The following SLC25A21 variants were observed in gnomAD, a reference collection of about 807,000 sequenced individuals.
The protein encoded by SLC25A21 is solute carrier family 25 member 21, also known as mitochondrial 2-oxodicarboxylate carrier.
A neutral mutation model predicts 43.8 loss-of-function variants in SLC25A21; 47 were observed. The observed-to-expected ratio is 1.07, with a 90% CI of 0.85 to 1.37. SLC25A21 has a LOEUF of 1.37. Among genes scored for constraint, SLC25A21 ranks in the 40% most tolerant of loss-of-function variants. SLC25A21 has a pLI of 0.00. For synonymous variants in SLC25A21, 131 were observed against 121.3 expected, an observed-to-expected ratio of 1.08 and a Z score of -0.52; for missense variants, 352 against 350.2, an observed-to-expected ratio of 1.00 and a Z score of -0.04.
chr14:36,900,720 A>G (rs1483227453), intron 1 of SLC25A21, among the ~76,000 whole-genome samples: 1 of 152,218 alleles, frequency 6.6e-6, no homozygotes, highest in East Asian at 1.9e-4. Flanking sequence ...TAACTTGTGG[A>G]TAAGGCCCTG....
At chr14:37,047,739 G>A (rs916296524) in intron 1 of SLC25A21, among the ~76,000 whole-genome samples, 3 of 152,194 alleles carry the variant, frequency 2.0e-5, no homozygotes, top group African/African-American at 7.2e-5. Context: ...GAAAACAAAA[G>A]TGTTTTATCT....
At chr14:36,996,219 GCTAA>G (rs1960368576) in intron 1 of SLC25A21, among the ~76,000 whole-genome samples, 1 of 152,084 alleles carries the variant, frequency 6.6e-6, no homozygotes, top group Non-Finnish European at 1.5e-5. Flanking sequence ...CTAATATTCA[GCTAA>G]CTTTCAACTC....
At chr14:37,118,027 C>T (rs564235435) in intron 1 of SLC25A21, among the ~76,000 whole-genome samples, 2 of 151,948 alleles carry the variant, frequency 1.3e-5, no homozygotes, top group South Asian at 2.1e-4. Context: ...GATAATAGCC[C>T]TCCCCAGAAA....
At chr14:36,849,231 T>C (rs1889643692) in intron 2 of SLC25A21, among the ~76,000 whole-genome samples, 1 of 152,210 alleles carries the variant, frequency 6.6e-6, no homozygotes, top group African/African-American at 2.4e-5. Context: ...TCTCCTCTGA[T>C]TTCTTCCTGT....
intron 1 of SLC25A21, among the ~76,000 whole-genome samples, chr14:37,108,211 G>A (rs367801744): frequency 2.6e-5 from 4 of 152,170 alleles, no homozygotes; most frequent in East Asian, 3.9e-4. Flanking sequence ...TAGCTGTAAA[G>A]GGAACTTCTA....
intron 1 of SLC25A21, among the ~76,000 whole-genome samples, chr14:37,086,874 T>G (rs1197880156): frequency 6.6e-6 from 1 of 152,190 alleles, no homozygotes; most frequent in Non-Finnish European, 1.5e-5. Context: ...AATAAAAGGA[T>G]ACAATCTCAT....
At chr14:36,720,786 C>T (rs1410455039) in intron 6 of SLC25A21, among the ~76,000 whole-genome samples, 4 of 152,208 alleles carry the variant, frequency 2.6e-5, no homozygotes, top group South Asian at 2.1e-4. Context: ...CTGCTAAGTG[C>T]TAGTTATTTA....
intron 1 of SLC25A21, among the ~76,000 whole-genome samples, chr14:36,903,612 C>T (rs553850796): frequency 0.061 from 448 of 7,302 alleles, 6 homozygotes; most frequent in Middle Eastern, 0.25. Context: ...GACTCCGTCT[C>T]AGAAAAAAAA....
At chr14:36,831,877 G>C (rs1484046088) in intron 2 of SLC25A21, among the ~76,000 whole-genome samples, 1 of 152,142 alleles carries the variant, frequency 6.6e-6, no homozygotes, top group East Asian at 1.9e-4. Flanking sequence ...TTAGGAACAT[G>C]GAAAAGACTC....
chr14:37,011,970 C>G (rs1264737163), intron 1 of SLC25A21, among the ~76,000 whole-genome samples: 1 of 152,136 alleles, frequency 6.6e-6, no homozygotes, highest in Non-Finnish European at 1.5e-5. Context: ...CACAGACAAA[C>G]TAAGTTTTTC....
intron 1 of SLC25A21, among the ~76,000 whole-genome samples, chr14:36,993,602 C>T (rs1960309482): frequency 6.6e-6 from 1 of 152,056 alleles, no homozygotes; most frequent in Non-Finnish European, 1.5e-5. Flanking sequence ...CTGATTAACT[C>T]CCATTTTGAT....
chr14:36,829,229 CCT>C (rs1888946781), intron 2 of SLC25A21, among the ~76,000 whole-genome samples: 2 of 152,040 alleles, frequency 1.3e-5, no homozygotes, highest in African/African-American at 2.4e-5. Flanking sequence ...TGTTCCTTCC[CCT>C]GAGAGGTGAT....
intron 1 of SLC25A21, among the ~76,000 whole-genome samples, chr14:36,989,867 A>T (rs1004915609): frequency 2.0e-5 from 3 of 151,514 alleles, no homozygotes; most frequent in Admixed American, 6.6e-5. Flanking sequence ...TTAGGATATG[A>T]GCATATGACT....
At chr14:37,055,032 TG>T (rs1241905166) in intron 1 of SLC25A21, among the ~76,000 whole-genome samples, 1 of 152,226 alleles carries the variant, frequency 6.6e-6, no homozygotes, top group Admixed American at 6.5e-5. Context: ...TAGACCTTCA[TG>T]GCTATGCTCC....
chr14:37,152,945 G>A (rs753771909), intron 1 of SLC25A21, among the ~76,000 whole-genome samples: 25 of 152,256 alleles, frequency 1.6e-4, no homozygotes, highest in Middle Eastern at 6.8e-3. Flanking sequence ...GAATGCTGAT[G>A]CTCAACACAG....
chr14:37,030,205 G>T (rs1594759620), intron 1 of SLC25A21, among the ~76,000 whole-genome samples: 1 of 152,244 alleles, frequency 6.6e-6, no homozygotes, highest in Non-Finnish European at 1.5e-5. Flanking sequence ...TCATTAAGTG[G>T]AAGTAGATCA....
At chr14:36,803,041 T>C (rs1405069156) in intron 3 of SLC25A21, among the ~76,000 whole-genome samples, 3 of 152,220 alleles carry the variant, frequency 2.0e-5, no homozygotes, top group Non-Finnish European at 2.9e-5. Context: ...AAATTTCTTC[T>C]TACTCATCAC....
intron 2 of SLC25A21, among the ~76,000 whole-genome samples, chr14:36,826,677 C>G (rs1888843342): frequency 6.6e-6 from 1 of 152,208 alleles, no homozygotes; most frequent in Admixed American, 6.5e-5. Flanking sequence ...GTTCACAGAT[C>G]ATTTTTGTAT....
intron 1 of SLC25A21, among the ~76,000 whole-genome samples, chr14:36,978,838 T>G (rs939401502): frequency 6.6e-6 from 1 of 152,194 alleles, no homozygotes. Context: ...TCAGGCACAT[T>G]GCTAGGAGTG....
Sources: gnomAD v4.1 joint callset for allele counts (sites outside exome capture counted in the v4.1 genomes callset) on GRCh38, gnomAD v4.1.1 for gene constraint, MANE v1.5 for transcripts, NCBI Gene and HGNC (gene_info 2026-07-23, HGNC 2026-07-21) for gene names.